The following PDE12 variants were observed in gnomAD, a reference collection of about 807,000 sequenced individuals.
PDE12 encodes 2',5'-phosphodiesterase 12.
A neutral mutation model predicts 45.4 loss-of-function variants in PDE12; 26 were observed. That is an observed-to-expected ratio of 0.57 (90% CI 0.42 to 0.79). The LOEUF is 0.79. Ranked by LOEUF, PDE12 falls within the 30% of genes least tolerant of loss-of-function variation. PDE12 has a pLI of 0.00. For missense variants in PDE12, 668 were observed against 790.0 expected (o/e 0.85, Z 1.85); for synonymous variants, 283 against 323.9 (o/e 0.87, Z 1.36).
At chr3:57,605,684 A>G in the PDE12 span, among the ~76,000 whole-genome samples, 4 of 152,220 alleles carry the variant, frequency 2.6e-5, no homozygotes, top group African/African-American at 9.6e-5. Context: ...GGCATCTAAT[A>G]CAAAATTATT....
At chr3:57,613,900 C>CAAAA in the PDE12 span, among the ~76,000 whole-genome samples, 48 of 59,410 alleles carry the variant, frequency 8.1e-4, no homozygotes, top group South Asian at 2.3e-3. Flanking sequence ...GACTCCATCT[C>CAAAA]AAAAAAAAAA....
Position 57,557,419 on chromosome 3 carries a change from T to C in PDE12, c.1040T>C (p.Ile347Thr). The change falls in exon 1 of 3, where the codon ATC becomes ACC. Residue 347 changes from isoleucine to threonine, a missense_variant. Coordinates refer to ENST00000311180, the MANE Select transcript of PDE12 (RefSeq NM_177966.7). ...CTCACCGGCTACAACGCCGATGTCATCTGTTTGCAGGAGGTTGACCGCGCA... is the reference window on the plus strand; with the variant it reads ...CTCACCGGCTACAACGCCGATGTCACCTGTTTGCAGGAGGTTGACCGCGCA... ...KELTGYNADV[I>T]CLQEVDRAVF... The C allele has an allele frequency of 6.2e-7, 1 of 1,613,990 alleles. No individual in the cohort carries two copies. Among genetic ancestry groups the C allele is most frequent in the Non-Finnish European group, 8.5e-7 (1 of 1,180,010 alleles).
At chr3:57,647,168 G>A in the PDE12 span, among the ~76,000 whole-genome samples, 1 of 151,920 alleles carries the variant, frequency 6.6e-6, no homozygotes, top group Non-Finnish European at 1.5e-5. Flanking sequence ...AGACACACAT[G>A]CAAATAAAAA....
Position 57,556,410 on chromosome 3 carries a change from C to T in PDE12, c.31C>T (p.Leu11Phe), listed in dbSNP as rs367673837. The T allele has an allele frequency of 3.4e-5, 55 of 1,605,770 alleles. 1 individual carries two copies. Among genetic ancestry groups the T allele is most frequent in the Non-Finnish European group, 4.6e-5 (54 of 1,176,630 alleles). ...GAGGCTCCCAGGCGCCCGCGCCGCG[C>T]TTCGGGTGATCCGGACGGCGGTGGA... is the stretch of plus-strand genomic sequence containing the variant. MWRLPGARAA[L>F]RVIRTAVEKL... is the part of the protein sequence containing the mutation. The change falls in exon 1 of 3, where the codon CTT becomes TTT. Residue 11 changes from leucine (L) to phenylalanine (F), a missense_variant. Leu to Phe is a conservative substitution (Grantham distance 22, BLOSUM62 0). Coordinates refer to ENST00000311180, the MANE Select transcript of PDE12 (RefSeq NM_177966.7). This position sits in a 1 kb window ranked among gnomAD's most constrained non-coding sequence, Gnocchi z 5.0.
the PDE12 span, among the ~76,000 whole-genome samples, chr3:57,591,807 CCAGA>C: frequency 5.3e-5 from 8 of 152,154 alleles, no homozygotes; most frequent in South Asian, 6.2e-4. Context: ...GTGAAAAAAG[CCAGA>C]CAAAGAGGCC....
the PDE12 span, chr3:57,628,441 T>A: frequency 6.9e-6 from 10 of 1,450,302 alleles, no homozygotes; most frequent in Non-Finnish European, 9.1e-6. Context: ...GTCTAACAAT[T>A]AGATACTTTC....
At chr3:57,574,918 G>A in the PDE12 span, among the ~76,000 whole-genome samples, 2 of 150,520 alleles carry the variant, frequency 1.3e-5, no homozygotes, top group Admixed American at 6.6e-5. Flanking sequence ...GCGCGATCGC[G>A]ACTCACCGCA....
chr3:57,641,614 A>C, the PDE12 span: 3 of 1,545,772 alleles, frequency 1.9e-6, no homozygotes, highest in Non-Finnish European at 2.6e-6. Context: ...GTTCAGCAAC[A>C]CTGCACACTA....
At chr3:57,597,207 T>C in the PDE12 span, 25 of 1,482,004 alleles carry the variant, frequency 1.7e-5, no homozygotes, top group African/African-American at 3.3e-4. Context: ...CTTTCTCCTT[T>C]CAAGCTCCCA....
chr3:57,559,592 T>A lies in PDE12; in HGVS notation c.1418T>A (p.Val473Glu), dbSNP rs767595484. 6.2e-7 allele frequency: 1 copy of A among 1,610,088 alleles called. No homozygotes were observed. Among genetic ancestry groups the A allele is most frequent in the Non-Finnish European group, 8.5e-7 (1 of 1,176,516 alleles). ...TATATTCGCCTCATTCAAATGGCAG[T>A]AGCCTTGGCTCACATAAGACATGTT... ...GGYIRLIQMAVALAHIRHVSC... is the reference protein window; with the variant it reads ...GGYIRLIQMAEALAHIRHVSC... Residue 473 changes from valine (V) to glutamate (E), a missense_variant, in exon 3 of 3, where the codon GTA becomes GAA. This residue lies in a region of PDE12 where 580 missense variants were observed against 662.9 expected (regional missense o/e 0.87). Transcript: ENST00000311180.
chr3:57,611,369 C>T, the PDE12 span, among the ~76,000 whole-genome samples: 3 of 152,170 alleles, frequency 2.0e-5, no homozygotes, highest in African/African-American at 7.2e-5. Flanking sequence ...CAACAAAAGC[C>T]AAAATTGACA....
chr3:57,629,714 G>C, the PDE12 span, among the ~76,000 whole-genome samples: 11 of 150,594 alleles, frequency 7.3e-5, no homozygotes, highest in African/African-American at 2.4e-4. Context: ...AGTAGAGATG[G>C]GGTTTCACCG....
downstream of PDE12, among the ~76,000 whole-genome samples, chr3:57,570,219 G>T (rs373611692): frequency 6.6e-4 from 67 of 102,266 alleles, no homozygotes; most frequent in South Asian, 1.8e-3. Flanking sequence ...TTAATCCAGT[G>T]TTTTTTTTTT....
Position 57,562,748 on chromosome 3 carries a change from C to T in PDE12, c.*2744C>T, listed in dbSNP as rs1417606322. 2 of 152,214 alleles carry T rather than the reference C, an allele frequency of 1.3e-5. No individual in the cohort carries two copies. The highest frequency in any genetic ancestry group is 2.4e-5 in the African/African-American group (1 of 41,458). 9.4% of individuals were successfully genotyped at this position (152,214 alleles called of 1,614,324 possible). ...AAAATGAACTCTTGCACAGTTGCCG[C>T]TACAGCAAATGTGTCTGCCAATAAT... On this transcript the variant is annotated 3_prime_UTR_variant, in exon 3 of 3. Coordinates refer to ENST00000311180, the MANE Select transcript of PDE12 (RefSeq NM_177966.7).
rs77076405 is a variant in PDE12, at chr3:57,564,988, ATT to A, written c.*4997_*4998del. 10 of 142,976 alleles carry A rather than the reference ATT, an allele frequency of 7.0e-5. No homozygotes were observed. Among genetic ancestry groups the A allele is most frequent in the Non-Finnish European group, 6.2e-5 (4 of 64,998 alleles). 8.9% of individuals were successfully genotyped at this position (142,976 alleles called of 1,614,324 possible). A position where few individuals can be genotyped will look rare whatever the true frequency, so the allele number is the denominator to read the frequency against. On this transcript the variant is annotated 3_prime_UTR_variant, in exon 3 of 3. Coordinates refer to ENST00000311180, the MANE Select transcript of PDE12 (RefSeq NM_177966.7). The stretch of plus-strand genomic sequence containing the variant: ...GAGCCACCCCACCCAGTCAGCACAC[ATT>A]TTTTTTTTTTTTAAATAAGACAGGG...
At chr3:57,588,401 A>T in the PDE12 span, among the ~76,000 whole-genome samples, 1 of 152,022 alleles carries the variant, frequency 6.6e-6, no homozygotes, top group Admixed American at 6.6e-5. Context: ...CCATCTTTAA[A>T]GAAGAAAAAG....
rs1406820444 is a variant in PDE12, at chr3:57,556,592, G to A, written c.213G>A (p.Leu71=). The A allele has an allele frequency of 6.8e-6, 11 of 1,613,216 alleles. No individual in the cohort carries two copies. The highest frequency in any genetic ancestry group is 1.1e-5 in the South Asian group (1 of 91,084). The change falls in exon 1 of 3, where the codon CTG becomes CTA. Residue 71 remains leucine (L), a synonymous_variant. Transcript: ENST00000311180. The surrounding 1 kb of genome is among the most constrained non-coding windows in gnomAD (Gnocchi z 5.0). ...KNMQRDQSEP[L]GRVLSRIATN... ...TGCAGCGCGACCAGAGCGAGCCGCTGGGTCGAGTCCTCAGCCGCATCGCTA... is the reference window on the plus strand; with the variant it reads ...TGCAGCGCGACCAGAGCGAGCCGCTAGGTCGAGTCCTCAGCCGCATCGCTA...
At chr3:57,628,899 A>C in the PDE12 span, 7 of 1,607,754 alleles carry the variant, frequency 4.4e-6, no homozygotes, top group East Asian at 1.6e-4. Flanking sequence ...GAATAAATAA[A>C]GTCCCAAATC....
downstream of PDE12, among the ~76,000 whole-genome samples, chr3:57,570,065 A>G (rs190277049): frequency 3.2e-4 from 48 of 152,146 alleles, no homozygotes; most frequent in African/African-American, 1.1e-3. Context: ...GTTTTATCCT[A>G]TAGGAAATGA....
Sources: gnomAD v4.1 joint callset for allele counts (sites outside exome capture counted in the v4.1 genomes callset) on GRCh38, gnomAD v4.1.1 for gene constraint, gnomAD v4.1.1 regional missense constraint, Gnocchi (gnomAD v3.1) non-coding constraint, MANE v1.5 for transcripts, NCBI Gene and HGNC (gene_info 2026-07-23, HGNC 2026-07-21) for gene names.